The following SLC4A10 variants were observed in gnomAD, a reference collection of about 807,000 sequenced individuals.
SLC4A10 encodes solute carrier family 4 member 10, also known as sodium-driven chloride bicarbonate exchanger.
Under a neutral mutation model 137.7 loss-of-function variants are expected in SLC4A10, and 42 were observed. That is an observed-to-expected ratio of 0.30 (90% CI 0.24 to 0.39). The LOEUF is 0.39. SLC4A10 is among the 10% of genes least tolerant of loss of function. SLC4A10 has a pLI of 1.00. For missense variants in SLC4A10, 925 were observed against 1,355.0 expected (o/e 0.68, Z 4.98); for synonymous variants, 474 against 464.1 (o/e 1.02, Z -0.27).
intron 1 of SLC4A10, among the ~76,000 whole-genome samples, chr2:161,765,782 G>C (rs75236303): frequency 6.6e-6 from 1 of 152,176 alleles, no homozygotes; most frequent in Non-Finnish European, 1.5e-5. Flanking sequence ...AATGAATCTA[G>C]AGAGTAACTC....
At chr2:161,945,691 T>G (rs940744194) in intron 16 of SLC4A10, among the ~76,000 whole-genome samples, 14 of 151,776 alleles carry the variant, frequency 9.2e-5, no homozygotes, top group Non-Finnish European at 1.8e-4. Context: ...ATTTAGCAGG[T>G]CACAATTTTT....
intron 4 of SLC4A10, among the ~76,000 whole-genome samples, chr2:161,842,387 A>T (rs1341636400): frequency 6.6e-6 from 1 of 152,166 alleles, no homozygotes; most frequent in African/African-American, 2.4e-5. Context: ...TTTATAAATA[A>T]AACATAAATC....
chr2:161,845,792 C>T (rs932208155), intron 4 of SLC4A10, among the ~76,000 whole-genome samples: 2 of 151,828 alleles, frequency 1.3e-5, no homozygotes, highest in Admixed American at 1.3e-4. Flanking sequence ...AAAAATTAGC[C>T]TTGATATAAA....
Position 161,950,667 on chromosome 2 carries a change from A to G in SLC4A10, c.2380-20A>G. On this transcript the variant is annotated intron_variant, in intron 18 of 26. Transcript: ENST00000446997. ...TCATTAATCCAGTTCATAACTATGC[A>G]CATTCTTTACTTTATACAGCCCACT... The G allele has an allele frequency of 6.4e-7, 1 of 1,567,452 alleles. No homozygotes were observed. Among genetic ancestry groups the G allele is most frequent in the Non-Finnish European group, 8.7e-7 (1 of 1,154,266 alleles).
At chr2:161,882,478 C>G in intron 10 of SLC4A10, 34 bp downstream of exon 10, 1 of 1,445,426 alleles carries the variant, frequency 6.9e-7, no homozygotes, top group Non-Finnish European at 9.4e-7. Flanking sequence ...ACATTTTCCC[C>G]CATTAGGTAT....
At chr2:161,880,033 G>C (rs777252097) in intron 9 of SLC4A10, among the ~76,000 whole-genome samples, 1 of 152,008 alleles carries the variant, frequency 6.6e-6, no homozygotes, top group Non-Finnish European at 1.5e-5. Context: ...ACAGAATATT[G>C]ACTTTAGCAC....
chr2:161,941,333 A>C (rs1692649357), intron 15 of SLC4A10, among the ~76,000 whole-genome samples: 2 of 152,152 alleles, frequency 1.3e-5, no homozygotes, highest in East Asian at 1.9e-4. Context: ...CCTCTGGTTA[A>C]AACTGAAAAG....
chr2:161,927,293 CTTCATTTCA>C (rs935383444), intron 15 of SLC4A10, among the ~76,000 whole-genome samples: 30 of 152,282 alleles, frequency 2.0e-4, no homozygotes, highest in Admixed American at 5.2e-4. Flanking sequence ...TTCCTTCTCA[CTTCATTTCA>C]TTCATTTCAT....
At chr2:161,682,870 T>C (rs2041014677) in intron 1 of SLC4A10, among the ~76,000 whole-genome samples, 1 of 152,144 alleles carries the variant, frequency 6.6e-6, no homozygotes, top group Non-Finnish European at 1.5e-5. Context: ...AAGTCATAGC[T>C]GCTGGGACTC....
intron 3 of SLC4A10, among the ~76,000 whole-genome samples, chr2:161,817,647 A>G (rs1259527774): frequency 1.3e-5 from 2 of 152,088 alleles, no homozygotes; most frequent in African/African-American, 4.8e-5. Flanking sequence ...ATCTTGAATT[A>G]ATTTTTGTAT....
chr2:161,887,385 T>A (rs1450169260), intron 10 of SLC4A10, among the ~76,000 whole-genome samples: 1 of 140,642 alleles, frequency 7.1e-6, no homozygotes, highest in African/African-American at 2.5e-5. Context: ...CTTGAGGAAT[T>A]GCCACACTGT....
chr2:161,938,309 A>G (rs1559578358), intron 15 of SLC4A10, among the ~76,000 whole-genome samples: 1 of 152,056 alleles, frequency 6.6e-6, no homozygotes, highest in Non-Finnish European at 1.5e-5. Context: ...TTAAATAAAG[A>G]AAAGTTAGCT....
intron 1 of SLC4A10, among the ~76,000 whole-genome samples, chr2:161,656,946 T>C (rs1024501610): frequency 5.3e-5 from 8 of 152,094 alleles, no homozygotes; most frequent in African/African-American, 1.9e-4. Context: ...GAAGTAAAAA[T>C]ATTATGTAGT....
At chr2:161,629,050 A>AT (rs1186590564) in intron 1 of SLC4A10, among the ~76,000 whole-genome samples, 18 of 151,900 alleles carry the variant, frequency 1.2e-4, no homozygotes, top group Admixed American at 1.2e-3. Flanking sequence ...GCATGAATAG[A>AT]TTGCAGTGTA....
chr2:161,844,323 ATAAT>A (rs747265780), intron 4 of SLC4A10, among the ~76,000 whole-genome samples: 5 of 152,176 alleles, frequency 3.3e-5, no homozygotes, highest in Non-Finnish European at 7.3e-5. Flanking sequence ...TTACGGGAAA[ATAAT>A]GTGGATTAAG....
At chr2:161,672,507 A>AC (rs201253097) in intron 1 of SLC4A10, among the ~76,000 whole-genome samples, 10,901 of 148,918 alleles carry the variant, frequency 0.073, 576 homozygotes, top group African/African-American at 0.15. Flanking sequence ...CTGTCTAAAA[A>AC]AAATTTTTTT....
intron 21 of SLC4A10, among the ~76,000 whole-genome samples, chr2:161,960,725 A>T (rs1696541335): frequency 6.7e-6 from 1 of 150,232 alleles, no homozygotes; most frequent in Non-Finnish European, 1.5e-5. Flanking sequence ...GTCTCAAAAA[A>T]AAAGAAAAAA....
intron 2 of SLC4A10, among the ~76,000 whole-genome samples, chr2:161,772,742 C>T (rs1221481354): frequency 6.6e-6 from 1 of 151,604 alleles, no homozygotes; most frequent in African/African-American, 2.4e-5. Flanking sequence ...TGAAGGAAAA[C>T]AGGAAAAAAA....
At chr2:161,703,710 G>T (rs1414845349) in intron 1 of SLC4A10, among the ~76,000 whole-genome samples, 3 of 151,610 alleles carry the variant, frequency 2.0e-5, no homozygotes, top group Non-Finnish European at 4.4e-5. Context: ...ATTAATAACT[G>T]GAGTAAAAAG....
Sources: allele counts gnomAD v4.1 joint callset (sites outside exome capture counted in the v4.1 genomes callset), GRCh38; gene constraint gnomAD v4.1.1; transcripts MANE v1.5; gene names NCBI Gene and HGNC (gene_info 2026-07-23, HGNC 2026-07-21).